The following KCNIP4 variants were observed in gnomAD, a reference collection of about 807,000 sequenced individuals.
KCNIP4 encodes Kv channel-interacting protein 4.
In KCNIP4, 12 loss-of-function variants were observed where a neutral mutation model predicts 34.0. The observed-to-expected ratio is 0.35, with a 90% CI of 0.23 to 0.57. The LOEUF (loss-of-function observed/expected upper bound fraction) is 0.57, where lower values mean the gene tolerates loss of function less well. KCNIP4 is among the 20% of genes least tolerant of loss of function. The probability of loss-of-function intolerance (pLI) is 0.83; values close to 1 mark genes in which losing one functional copy is unlikely to be tolerated. For synonymous variants in KCNIP4, 124 were observed against 102.2 expected, an observed-to-expected ratio of 1.21 and a Z score of -1.29; for missense variants, 238 against 311.7, an observed-to-expected ratio of 0.76 and a Z score of 1.78.
rs116084074 is a variant in KCNIP4, at chr4:21,635,033, G to A, written c.61+313538C>T. ...AGATTTAAAAATGAAGAGAGCAAAG[G>A]CTGGGAAAGTTAGTCATCTAAAATT... is the stretch of plus-strand genomic sequence containing the variant. On this transcript the variant is annotated intron_variant, in intron 1 of 8. Transcript: ENST00000382152. 4.3e-3 allele frequency among the ~76,000 whole-genome samples: 653 copies of A among 152,206 alleles called. 3 individuals carry two copies. The highest frequency in any genetic ancestry group is 0.015 in the African/African-American group (625 of 41,548).
intron 1 of KCNIP4, among the ~76,000 whole-genome samples, chr4:21,774,183 C>T (rs1224569511): frequency 2.6e-5 from 4 of 151,938 alleles, no homozygotes; most frequent in African/African-American, 9.7e-5. Flanking sequence ...TTTATTTATC[C>T]TTCACTTATA....
chr4:20,852,315 G>T (rs182654136), intron 2 of KCNIP4, among the ~76,000 whole-genome samples: 2 of 152,252 alleles, frequency 1.3e-5, no homozygotes, highest in Admixed American at 1.3e-4. Flanking sequence ...TGCAGGGATG[G>T]TTTAACATAC....
intron 3 of KCNIP4, among the ~76,000 whole-genome samples, chr4:20,839,673 T>G (rs1476231949): frequency 6.6e-6 from 1 of 152,058 alleles, no homozygotes; most frequent in South Asian, 2.1e-4. Context: ...ATAATGATAA[T>G]AGCAATAACA....
At chr4:21,046,225 G>A (rs1742407951) in intron 1 of KCNIP4, among the ~76,000 whole-genome samples, 1 of 152,210 alleles carries the variant, frequency 6.6e-6, no homozygotes, top group African/African-American at 2.4e-5. Context: ...GCCAAAGAAT[G>A]AGGAAACTCA....
chr4:21,227,946 A>T (rs548061709), intron 1 of KCNIP4, among the ~76,000 whole-genome samples: 1 of 152,118 alleles, frequency 6.6e-6, no homozygotes, highest in East Asian at 1.9e-4. Flanking sequence ...TTTGTTCCTT[A>T]TTTTTTTTCT....
At chr4:21,195,443 G>A (rs1260835681) in intron 1 of KCNIP4, among the ~76,000 whole-genome samples, 3 of 152,214 alleles carry the variant, frequency 2.0e-5, no homozygotes, top group African/African-American at 2.4e-5. Flanking sequence ...CTATTAAGGA[G>A]CTAGGAAAAA....
intron 1 of KCNIP4, among the ~76,000 whole-genome samples, chr4:21,733,642 A>G (rs938141418): frequency 6.6e-5 from 10 of 152,156 alleles, no homozygotes; most frequent in Non-Finnish European, 1.0e-4. Flanking sequence ...GTTTTTGAAT[A>G]TGTTCATGTC....
At chr4:21,430,538 C>G (rs942236281) in intron 1 of KCNIP4, among the ~76,000 whole-genome samples, 9 of 152,006 alleles carry the variant, frequency 5.9e-5, no homozygotes, top group Non-Finnish European at 1.3e-4. Flanking sequence ...CGGCTCAGTT[C>G]TATGGGTGAT....
intron 1 of KCNIP4, among the ~76,000 whole-genome samples, chr4:21,598,437 T>C (rs1432504763): frequency 6.6e-6 from 1 of 152,128 alleles, no homozygotes; most frequent in Non-Finnish European, 1.5e-5. Flanking sequence ...CCTGCAGTTG[T>C]AGTACAAAAC....
chr4:20,926,189 T>C (rs1318155649), intron 1 of KCNIP4, among the ~76,000 whole-genome samples: 8 of 152,200 alleles, frequency 5.3e-5, no homozygotes, highest in Non-Finnish European at 1.2e-4. Context: ...AGCAGTCCTA[T>C]CTGTTTAGCT....
At chr4:21,240,481 G>A (rs1209368321) in intron 1 of KCNIP4, among the ~76,000 whole-genome samples, 1 of 152,092 alleles carries the variant, frequency 6.6e-6, no homozygotes, top group Non-Finnish European at 1.5e-5. Context: ...CAGACCCCAT[G>A]TAGCAAAAAT....
intron 1 of KCNIP4, among the ~76,000 whole-genome samples, chr4:21,198,985 C>T (rs1046112684): frequency 5.3e-5 from 8 of 151,664 alleles, no homozygotes; most frequent in African/African-American, 1.7e-4. Context: ...ACTGATCTGG[C>T]GCTGTCCTTT....
intron 1 of KCNIP4, among the ~76,000 whole-genome samples, chr4:21,206,302 G>C (rs1351420173): frequency 6.6e-6 from 1 of 152,090 alleles, no homozygotes; most frequent in African/African-American, 2.4e-5. Flanking sequence ...ATTATTTCTG[G>C]ATACTGCAGT....
intron 1 of KCNIP4, among the ~76,000 whole-genome samples, chr4:21,430,804 T>C (rs1352653964): frequency 6.6e-6 from 1 of 152,130 alleles, no homozygotes; most frequent in African/African-American, 2.4e-5. Flanking sequence ...GAAATCCAAA[T>C]AGATGGTAAA....
At chr4:21,384,025 A>G (rs1240727078) in intron 1 of KCNIP4, among the ~76,000 whole-genome samples, 1 of 152,070 alleles carries the variant, frequency 6.6e-6, no homozygotes, top group East Asian at 1.9e-4. Flanking sequence ...TTGCAGGGCC[A>G]CAAGAGCACG....
At chr4:20,914,600 A>G (rs73242562) in intron 1 of KCNIP4, among the ~76,000 whole-genome samples, 99 of 152,294 alleles carry the variant, frequency 6.5e-4, no homozygotes, top group Non-Finnish European at 1.1e-3. Context: ...TATAATTATT[A>G]TTTGGTATGT....
At chr4:21,460,256 C>T (rs927939548) in intron 1 of KCNIP4, among the ~76,000 whole-genome samples, 7 of 151,976 alleles carry the variant, frequency 4.6e-5, no homozygotes, top group African/African-American at 1.7e-4. Flanking sequence ...CCTTACCCAT[C>T]CCATATATTC....
At chr4:21,354,298 A>G (rs958799060) in intron 1 of KCNIP4, among the ~76,000 whole-genome samples, 6 of 152,196 alleles carry the variant, frequency 3.9e-5, no homozygotes, top group Admixed American at 1.3e-4. Flanking sequence ...ACACATAACA[A>G]TATTAACCTT....
intron 1 of KCNIP4, among the ~76,000 whole-genome samples, chr4:21,810,904 G>A (rs1361524577): frequency 6.6e-6 from 1 of 152,128 alleles, no homozygotes; most frequent in Non-Finnish European, 1.5e-5. Context: ...AATTCAGAAA[G>A]CTGTGCTCAT....
Sources: allele counts gnomAD v4.1 joint callset (sites outside exome capture counted in the v4.1 genomes callset), GRCh38; gene constraint gnomAD v4.1.1; transcripts MANE v1.5; gene names NCBI Gene and HGNC (gene_info 2026-07-23, HGNC 2026-07-21).